Variants in BSN observed in about 807,000 individuals in gnomAD.
The protein encoded by BSN is protein bassoon.
In BSN, 57 loss-of-function variants were observed where a neutral mutation model predicts 264.8. That is an observed-to-expected ratio of 0.22 (90% CI 0.17 to 0.27). The LOEUF (loss-of-function observed/expected upper bound fraction) is 0.27, where lower values mean the gene tolerates loss of function less well. Among genes scored for constraint, BSN ranks in the 10% least tolerant of loss-of-function variants. The pLI, the probability that BSN is intolerant of heterozygous loss-of-function variation, is 1.00. For missense variants in BSN, 4,615 were observed against 5,232.5 expected, an observed-to-expected ratio of 0.88 and a Z score of 3.64; for synonymous variants, 2,059 against 2,137.3, an observed-to-expected ratio of 0.96 and a Z score of 1.01.
chr3:49,571,971 T>G (rs1443050672), intron 1 of BSN, among the ~76,000 whole-genome samples: 1 of 152,188 alleles, frequency 6.6e-6, no homozygotes, highest in East Asian at 1.9e-4. Context: ...GAATATTGTT[T>G]CTTTGTCCAT....
At chr3:49,554,934 C>T in intron 1 of BSN, 108 bp downstream of exon 1, 1 of 647,026 alleles carries the variant, frequency 1.5e-6, no homozygotes, top group African/African-American at 1.9e-5. Flanking sequence ...GACGTCCGGC[C>T]GCACTCTGAA....
chr3:49,624,361 C>T (rs1042666002), intron 1 of BSN, among the ~76,000 whole-genome samples: 7 of 131,144 alleles, frequency 5.3e-5, no homozygotes, highest in East Asian at 2.7e-4. Flanking sequence ...TTCAGTGGCA[C>T]GATCTCTGCT....
rs1380027704 is a variant in BSN at position 49,658,168 on chromosome 3, A to G, written c.8612A>G (p.Tyr2871Cys). 8 of 1,585,338 alleles carry G rather than the reference A, an allele frequency of 5.0e-6. No individual in the cohort carries two copies. Among genetic ancestry groups the G allele is most frequent in the East Asian group, 4.5e-5 (2 of 44,366 alleles). Residue 2871 changes from tyrosine to cysteine, a missense_variant, in exon 5 of 12, where the codon TAC (tyrosine) becomes TGC (cysteine). Transcript: ENST00000296452. ...EESAKERFSL[Y>C]QHQGGLGSQV... is the part of the protein sequence containing the mutation. ...TCTGCCAAAGAGAGATTCTCCCTCT[A>G]CCAGCACCAGGGGGGACTGGGTAGC... is the stretch of plus-strand genomic sequence containing the variant.
At chr3:49,597,484 C>G (rs1020579735) in intron 1 of BSN, among the ~76,000 whole-genome samples, 2 of 152,112 alleles carry the variant, frequency 1.3e-5, no homozygotes, top group South Asian at 2.1e-4. Context: ...TGTGCCCCAC[C>G]ACACCCAGCA....
At chr3:49,583,015 C>T (rs374899146) in intron 1 of BSN, among the ~76,000 whole-genome samples, 55 of 151,048 alleles carry the variant, frequency 3.6e-4, no homozygotes, top group East Asian at 3.5e-3. Flanking sequence ...GTTCCCAAGG[C>T]TGGAGTGCAG....
chr3:49,571,818 G>A (rs1225340489), intron 1 of BSN, among the ~76,000 whole-genome samples: 1 of 152,100 alleles, frequency 6.6e-6, no homozygotes, highest in African/African-American at 2.4e-5. Context: ...ATTATTATTC[G>A]ATGGCATGCA....
In BSN at chr3:49,651,717, C is replaced by T; in HGVS notation, c.2161C>T (p.Pro721Ser). The change falls in exon 5 of 12, where the codon CCC becomes TCC. Residue 721 changes from proline (P) to serine (S), a missense_variant. By Grantham distance (74) the Pro-to-Ser change is moderately conservative. This residue lies in a region of BSN where 1,197 missense variants were observed against 1,348.0 expected (regional missense o/e 0.89). Transcript: ENST00000296452. The surrounding 1 kb of genome is among the most constrained non-coding windows in gnomAD (Gnocchi z 5.4). ...AGVTGPHPPS[P>S]SEIHKVGSSM... ...GGTGACAGGGCCACATCCACCCAGC[C>T]CCTCCGAGATCCACAAGGTGGGGAG... 3 of 1,612,750 alleles carry T rather than the reference C, an allele frequency of 1.9e-6. No individual in the cohort carries two copies. The highest frequency in any genetic ancestry group is 2.5e-6 in the Non-Finnish European group (3 of 1,179,540).
In BSN at chr3:49,642,314, G is replaced by A. The variant is rs1432965368; in HGVS notation, c.680G>A (p.Gly227Glu). The A allele has an allele frequency of 1.9e-6, 3 of 1,581,360 alleles. No individual in the cohort carries two copies. The highest frequency in any genetic ancestry group is 1.7e-6 in the Non-Finnish European group (2 of 1,165,520). Residue 227 changes from glycine to glutamate, a missense_variant, in exon 3 of 12, where the codon GGA becomes GAA. By Grantham distance (98) the Gly-to-Glu change is moderately conservative. Transcript: ENST00000296452. This position sits in a 1 kb window ranked among gnomAD's most constrained non-coding sequence, Gnocchi z 7.0. ...CLNCQMQRAL[G>E]MDMTTAPRSK... ...AACTGTCAGATGCAGAGGGCTCTGG[G>A]AATGGACATGACCACTGCACCTCGC...
rs1464659775 is a variant in BSN, at chr3:49,642,601, G to C, written c.967G>C (p.Glu323Gln). ...STAEPRPPAG[E>Q]APAKSATAVP... ...AGCTGAGCCCAGGCCACCTGCAGGA[G>C]AGGCCCCGGCCAAAAGTGCCACCGC... The change falls in exon 3 of 12, where the codon GAG becomes CAG. Residue 323 changes from glutamate to glutamine, a missense_variant. Around this residue, in one of 3 missense-constraint regions of BSN, gnomAD observed 1,197 missense variants for 1,348.0 expected, o/e 0.89. Transcript: ENST00000296452. The surrounding 1 kb of genome is among the most constrained non-coding windows in gnomAD (Gnocchi z 7.0). 6.2e-7 allele frequency: 1 copy of C among 1,604,130 alleles called. No individual in the cohort carries two copies. Among genetic ancestry groups the C allele is most frequent in the Non-Finnish European group, 8.5e-7 (1 of 1,174,132 alleles).
intron 1 of BSN, among the ~76,000 whole-genome samples, chr3:49,583,721 T>C (rs572272724): frequency 1.1e-4 from 16 of 152,340 alleles, no homozygotes; most frequent in Non-Finnish European, 1.8e-4. Flanking sequence ...AAATTACTTA[T>C]TCAGTTTATT....
At chr3:49,598,925 G>A (rs1446555488) in intron 1 of BSN, among the ~76,000 whole-genome samples, 2 of 151,974 alleles carry the variant, frequency 1.3e-5, no homozygotes, top group Non-Finnish European at 2.9e-5. Context: ...TTAATGTATT[G>A]GATATGCACA....
chr3:49,605,726 GTATATAATATATAAATA>G (rs1311961519), intron 1 of BSN, among the ~76,000 whole-genome samples: 3 of 25,474 alleles, frequency 1.2e-4, no homozygotes, highest in East Asian at 2.6e-3. Flanking sequence ...ACATATAAAT[GTATATAATATATAAATA>G]TATATAATAT....
intron 3 of BSN, among the ~76,000 whole-genome samples, chr3:49,646,554 T>A (rs1297291125): frequency 6.6e-6 from 1 of 152,194 alleles, no homozygotes; most frequent in Non-Finnish European, 1.5e-5. Context: ...GGGACCACAA[T>A]ACTCCCTTTT....
At chr3:49,586,312 T>G (rs1559598436) in intron 1 of BSN, among the ~76,000 whole-genome samples, 1 of 148,312 alleles carries the variant, frequency 6.7e-6, no homozygotes, top group Admixed American at 6.7e-5. Flanking sequence ...CATATGGATA[T>G]CCAGTTTTCC....
chr3:49,610,010 C>T (rs777591994), intron 1 of BSN, among the ~76,000 whole-genome samples: 27 of 152,210 alleles, frequency 1.8e-4, no homozygotes, highest in Admixed American at 1.4e-3. Context: ...GGGCCAGGCC[C>T]TGTGCCAAAC....
intron 1 of BSN, among the ~76,000 whole-genome samples, chr3:49,614,347 C>T (rs1182235142): frequency 1.3e-5 from 2 of 152,216 alleles, no homozygotes; most frequent in Non-Finnish European, 2.9e-5. Context: ...GCGTGAGCCA[C>T]CGCGCCCGGC....
chr3:49,646,623 A>C (rs937256849), intron 3 of BSN, among the ~76,000 whole-genome samples: 3 of 152,232 alleles, frequency 2.0e-5, no homozygotes, highest in Non-Finnish European at 4.4e-5. Context: ...AAGGCCTGAC[A>C]CAGTCAGCCC....
chr3:49,646,618 C>G (rs1198735325), intron 3 of BSN, among the ~76,000 whole-genome samples: 1 of 152,170 alleles, frequency 6.6e-6, no homozygotes, highest in Non-Finnish European at 1.5e-5. Flanking sequence ...TATGCAAGGC[C>G]TGACACAGTC....
intron 1 of BSN, among the ~76,000 whole-genome samples, chr3:49,555,883 A>AT (rs1264908980): frequency 1.3e-5 from 2 of 152,126 alleles, no homozygotes; most frequent in African/African-American, 4.8e-5. Flanking sequence ...AGGACGCATA[A>AT]TTTTTTATTC....
Sources: allele counts gnomAD v4.1 joint callset (sites outside exome capture counted in the v4.1 genomes callset), GRCh38; gene constraint gnomAD v4.1.1; regional missense constraint gnomAD v4.1.1; non-coding constraint Gnocchi (gnomAD v3.1); transcripts MANE v1.5; gene names NCBI Gene and HGNC (gene_info 2026-07-23, HGNC 2026-07-21).